Variants in CWF19L2 observed in about 807,000 individuals in gnomAD.
CWF19L2 encodes CWF19 like cell cycle control factor 2.
CWF19L2 carries 98 observed loss-of-function variants against 111.7 expected under a neutral mutation model. The ratio of observed to expected loss-of-function variants is 0.88; its 90% CI spans 0.75 to 1.04. CWF19L2 has a LOEUF of 1.04. Among genes scored for constraint, CWF19L2 ranks in the 50% least tolerant of loss-of-function variants. The pLI, the probability that CWF19L2 is intolerant of heterozygous loss-of-function variation, is 0.00. For missense variants in CWF19L2, 1,101 were observed against 1,051.4 expected, an observed-to-expected ratio of 1.05 and a Z score of -0.65; for synonymous variants, 351 against 342.9, an observed-to-expected ratio of 1.02 and a Z score of -0.26.
rs774517792 is a variant in CWF19L2 at position 107,443,009 on chromosome 11, G to A, written c.380C>T (p.Thr127Ile). 11 of 1,551,750 alleles carry A rather than the reference G, an allele frequency of 7.1e-6. No individual in the cohort carries two copies. In the South Asian group the frequency reaches 1.2e-4, roughly 17 times the overall value. ...TTTCCAGGCTTTTTCCTTGTCAGGA[G>A]TCTGGGATGGAACAGCCTCAACCCA... The part of the protein sequence containing the change: ...DEWVEAVPSQ[T>I]PDKEKAWKVK... The change falls in exon 4 of 18, where the codon ACT becomes ATT. Residue 127 changes from threonine to isoleucine, a missense_variant. Transcript: ENST00000282251.
rs772395467 is a variant in CWF19L2 at position 107,336,637 on chromosome 11, A to C, written c.2279T>G (p.Met760Arg). 5.0e-6 allele frequency: 8 copies of C among 1,603,532 alleles called. No homozygotes were observed. The African/African-American group carries it at 1.1e-4, about 22-fold the overall frequency. ...DCIFLETNMS[M>R]KKQYHMVYEC... ...ATAAACCATGTGATACTGTTTCTTCATGCTCATATTAGTTTCCAAAAAAAT... is the reference window on the plus strand; with the variant it reads ...ATAAACCATGTGATACTGTTTCTTCCTGCTCATATTAGTTTCCAAAAAAAT... The change falls in exon 15 of 18, where the codon ATG becomes AGG. Residue 760 changes from methionine to arginine, a missense_variant. Physicochemically the swap from Met to Arg is moderately conservative, Grantham distance 91 (BLOSUM62 -1). Coordinates refer to ENST00000282251, the MANE Select transcript of CWF19L2 (RefSeq NM_152434.3).
At chr11:107,328,920 A>T (rs992696079) in intron 17 of CWF19L2, among the ~76,000 whole-genome samples, 2 of 152,210 alleles carry the variant, frequency 1.3e-5, no homozygotes, top group Non-Finnish European at 2.9e-5. Context: ...TTACTTTGTT[A>T]TGCTGGTTAA....
intron 16 of CWF19L2, 125 bp downstream of exon 16, chr11:107,334,756 T>G: frequency 1.4e-6 from 1 of 697,536 alleles, no homozygotes; most frequent in South Asian, 1.6e-5. Flanking sequence ...TAACTTCATT[T>G]GTCGAACTAG....
At chr11:107,426,623 A>G (rs1038748382) in intron 8 of CWF19L2, among the ~76,000 whole-genome samples, 1 of 151,914 alleles carries the variant, frequency 6.6e-6, no homozygotes, top group Non-Finnish European at 1.5e-5. Context: ...ACAATGGAGT[A>G]TTAAAGAGCC....
intron 12 of CWF19L2, among the ~76,000 whole-genome samples, chr11:107,375,576 G>C (rs1200390520): frequency 3.7e-5 from 5 of 135,674 alleles, no homozygotes; most frequent in African/African-American, 5.7e-5. Context: ...AAACCAACAA[G>C]AACAAAGACA....
intron 17 of CWF19L2, among the ~76,000 whole-genome samples, chr11:107,329,142 C>A (rs1279794390): frequency 1.3e-5 from 2 of 152,106 alleles, no homozygotes; most frequent in Admixed American, 6.6e-5. Flanking sequence ...AATGGAAAGG[C>A]CTGATCTATA....
chr11:107,379,821 A>C (rs1860654476), intron 12 of CWF19L2, among the ~76,000 whole-genome samples: 1 of 152,056 alleles, frequency 6.6e-6, no homozygotes. Context: ...GCACTTTGGG[A>C]GGCCGAGGCA....
intron 8 of CWF19L2, among the ~76,000 whole-genome samples, chr11:107,421,729 A>C (rs1861305224): frequency 6.6e-6 from 1 of 152,148 alleles, no homozygotes; most frequent in Non-Finnish European, 1.5e-5. Context: ...GGATGTGGAG[A>C]AACTGAAACT....
chr11:107,430,155 G>C (rs985311570), intron 7 of CWF19L2, among the ~76,000 whole-genome samples: 1 of 150,266 alleles, frequency 6.7e-6, no homozygotes, highest in African/African-American at 2.4e-5. Flanking sequence ...TTGGGTGGGG[G>C]AGAAAGAAGA....
chr11:107,430,055 G>A (rs970971002), intron 7 of CWF19L2, among the ~76,000 whole-genome samples: 6 of 151,908 alleles, frequency 3.9e-5, no homozygotes, highest in Admixed American at 2.0e-4. Context: ...CAGAAAGATG[G>A]AGCAAAGATG....
Position 107,429,468 on chromosome 11 carries a change from T to A in CWF19L2, c.781-17A>T, listed in dbSNP as rs541448585. 2 of 1,507,536 alleles carry A rather than the reference T, an allele frequency of 1.3e-6. No homozygotes were observed. The highest frequency in any genetic ancestry group is 2.6e-5 in the South Asian group (2 of 76,120). The allele number at this position is 1,507,536 out of a possible 1,614,324, so 93.4% of individuals were successfully genotyped here. ...TTCCATTGACTACAAAGGAGAAAAA[T>A]TAAACAAGATATCTAAAATTAGGAA... is the stretch of plus-strand genomic sequence containing the variant. On this transcript the variant is annotated splice_polypyrimidine_tract_variant and intron_variant, in intron 7 of 17. Transcript: ENST00000282251.
Position 107,390,090 on chromosome 11 carries a change from A to G in CWF19L2, c.1856T>C (p.Met619Thr), listed in dbSNP as rs1481604055. The G allele has an allele frequency of 3.1e-6, 5 of 1,612,548 alleles. No homozygotes were observed. Among genetic ancestry groups the G allele is most frequent in the Non-Finnish European group, 4.2e-6 (5 of 1,179,364 alleles). Residue 619 changes from methionine to threonine, a missense_variant, in exon 12 of 18, where the codon ATG becomes ACG. Transcript: ENST00000282251. ...ATATCTTACCTTAGATGCCATTCTC[A>G]TAAAGAGCTTGTTTTGATTTTCTGC... ...GTAENQNKLF[M>T]RMASKFMGKT...
At chr11:107,404,049 T>C (rs1488335237) in intron 10 of CWF19L2, 2 of 769,980 alleles carry the variant, frequency 2.6e-6, no homozygotes, top group African/African-American at 1.7e-5. Context: ...CCCATCATCA[T>C]AATCATCTGG....
intron 8 of CWF19L2, among the ~76,000 whole-genome samples, chr11:107,421,157 C>G (rs1406482956): frequency 6.6e-6 from 1 of 152,048 alleles, no homozygotes; most frequent in Non-Finnish European, 1.5e-5. Flanking sequence ...AAATCCTCAA[C>G]TATAATACTT....
chr11:107,358,700 G>C (rs577495762), intron 12 of CWF19L2, among the ~76,000 whole-genome samples: 1 of 152,318 alleles, frequency 6.6e-6, no homozygotes, highest in African/African-American at 2.4e-5. Context: ...AGGAGGAAGA[G>C]TTGAGAGGAT....
At chr11:107,392,609 G>T (rs1161798253) in intron 11 of CWF19L2, among the ~76,000 whole-genome samples, 170 bp downstream of exon 11, 1 of 152,072 alleles carries the variant, frequency 6.6e-6, no homozygotes, top group Non-Finnish European at 1.5e-5. Context: ...TTCTGTAAAA[G>T]GCAAAGAGAT....
intron 10 of CWF19L2, chr11:107,403,795 C>T: frequency 1.1e-6 from 1 of 870,514 alleles, no homozygotes; most frequent in Admixed American, 1.7e-5. Flanking sequence ...TCTCCATATC[C>T]ACTTCTACTG....
intron 8 of CWF19L2, among the ~76,000 whole-genome samples, chr11:107,421,854 G>T (rs1861306840): frequency 6.6e-6 from 1 of 151,982 alleles, no homozygotes; most frequent in Non-Finnish European, 1.5e-5. Context: ...GCTCTCCTAG[G>T]TATATTTATC....
intron 14 of CWF19L2, among the ~76,000 whole-genome samples, chr11:107,341,144 C>T (rs56735762): frequency 0.018 from 2,669 of 152,298 alleles, 56 homozygotes; most frequent in African/African-American, 0.059. Flanking sequence ...CACATTTCCA[C>T]ATATTTGTGC....
Sources: allele counts gnomAD v4.1 joint callset (sites outside exome capture counted in the v4.1 genomes callset), GRCh38; gene constraint gnomAD v4.1.1; transcripts MANE v1.5; gene names NCBI Gene and HGNC (gene_info 2026-07-23, HGNC 2026-07-21).